The following DLG2 variants were observed in gnomAD, a reference collection of about 807,000 sequenced individuals.
The protein encoded by DLG2 is disks large homolog 2.
DLG2 carries 45 observed loss-of-function variants against 132.5 expected under a neutral mutation model. The ratio of observed to expected loss-of-function variants is 0.34; its 90% CI spans 0.27 to 0.44. DLG2 has a LOEUF of 0.44. DLG2 is among the 20% of genes least tolerant of loss of function. The pLI is 1.00. For missense variants in DLG2, 1,045 were observed against 1,196.9 expected, an observed-to-expected ratio of 0.87 and a Z score of 1.87; for synonymous variants, 424 against 419.6, an observed-to-expected ratio of 1.01 and a Z score of -0.13.
chr11:84,876,676 A>G (rs1486783590), intron 6 of DLG2, among the ~76,000 whole-genome samples: 1 of 151,846 alleles, frequency 6.6e-6, no homozygotes, highest in Non-Finnish European at 1.5e-5. Flanking sequence ...CCCTGTCTCT[A>G]TCTCCTTCAG....
In DLG2 at chr11:83,546,473, G is replaced by T. The variant is rs1373230143; in HGVS notation, c.1941-4615C>A. Among the ~76,000 whole-genome samples the T allele has an allele frequency of 3.3e-5, 5 of 152,070 alleles. No homozygotes were observed. In the East Asian group the frequency reaches 9.6e-4, roughly 29 times the overall value. On this transcript the variant is annotated intron_variant, in intron 19 of 27. Transcript: ENST00000376104. ...ATAGTAATGGCACTAACGCAAAAGG[G>T]TGCTGCGGAGATACGACAATGGGAT...
chr11:83,879,587 T>C (rs1159900424), intron 15 of DLG2, among the ~76,000 whole-genome samples: 1 of 152,196 alleles, frequency 6.6e-6, no homozygotes, highest in Non-Finnish European at 1.5e-5. Context: ...GTCTTGGATA[T>C]CCAATCAGTA....
intron 19 of DLG2, among the ~76,000 whole-genome samples, chr11:83,622,065 C>T (rs1426113638): frequency 6.6e-6 from 1 of 152,140 alleles, no homozygotes; most frequent in Admixed American, 6.5e-5. Flanking sequence ...CAGGTGCCTG[C>T]CACCATGCCA....
chr11:84,899,289 G>A (rs567980349), intron 6 of DLG2, among the ~76,000 whole-genome samples: 5 of 152,170 alleles, frequency 3.3e-5, no homozygotes, highest in South Asian at 2.1e-4. Flanking sequence ...TGAAGGCAAA[G>A]TTTGATCTGC....
intron 3 of DLG2, among the ~76,000 whole-genome samples, chr11:85,422,773 G>A (rs985253061): frequency 2.6e-5 from 4 of 152,042 alleles, no homozygotes; most frequent in East Asian, 1.9e-4. Context: ...CTACAGGCAC[G>A]AGACACCACA....
At chr11:84,593,353 A>G (rs1046632280) in intron 6 of DLG2, among the ~76,000 whole-genome samples, 1 of 152,200 alleles carries the variant, frequency 6.6e-6, no homozygotes, top group African/African-American at 2.4e-5. Context: ...ACGTATGTAT[A>G]TTGCAGCACT....
intron 9 of DLG2, among the ~76,000 whole-genome samples, chr11:84,147,967 AT>A (rs1049811013): frequency 6.6e-6 from 1 of 151,392 alleles, no homozygotes; most frequent in Non-Finnish European, 1.5e-5. Flanking sequence ...TTTTATTTTT[AT>A]TTTTTTTACC....
chr11:84,717,723 C>G (rs985808551), intron 6 of DLG2, among the ~76,000 whole-genome samples: 13 of 151,942 alleles, frequency 8.6e-5, no homozygotes, highest in African/African-American at 3.1e-4. Flanking sequence ...ACAGTGGGAG[C>G]AGTTTCTCCT....
chr11:84,078,316 C>T (rs1386650544), intron 10 of DLG2, among the ~76,000 whole-genome samples: 2 of 152,082 alleles, frequency 1.3e-5, no homozygotes, highest in Non-Finnish European at 2.9e-5. Context: ...AATCCTGTGA[C>T]CTATAATTAA....
chr11:84,748,744 T>G (rs975458314), intron 6 of DLG2, among the ~76,000 whole-genome samples: 2 of 152,210 alleles, frequency 1.3e-5, no homozygotes, highest in Admixed American at 6.5e-5. Context: ...TATATTTGGC[T>G]GCAGGGTCTT....
Position 84,290,517 on chromosome 11 carries a change from C to T in DLG2, c.520-39226G>A, listed in dbSNP as rs889104783. 5.9e-5 allele frequency among the ~76,000 whole-genome samples: 9 copies of T among 152,144 alleles called. No homozygotes were observed. In the East Asian group the frequency reaches 1.5e-3, roughly 26 times the overall value. On this transcript the variant is annotated intron_variant, in intron 7 of 27. Transcript: ENST00000376104. ...CAAAACGTGAAAACATTTTTGGAAACACAGAAATGAGTTTTTGTGTGTGAG... is the reference window on the plus strand; with the variant it reads ...CAAAACGTGAAAACATTTTTGGAAATACAGAAATGAGTTTTTGTGTGTGAG...
At chr11:85,378,928 C>A (rs946981343) in intron 3 of DLG2, among the ~76,000 whole-genome samples, 1 of 152,154 alleles carries the variant, frequency 6.6e-6, no homozygotes, top group Non-Finnish European at 1.5e-5. Flanking sequence ...CTAAGTACCA[C>A]TTCAAGTTAC....
At chr11:85,240,793 A>G (rs1211712359) in intron 4 of DLG2, among the ~76,000 whole-genome samples, 1 of 151,948 alleles carries the variant, frequency 6.6e-6, no homozygotes, top group African/African-American at 2.4e-5. Context: ...TCTTATTACT[A>G]TAATGTGTCT....
chr11:84,405,985 GAGC>G (rs2098847464), intron 7 of DLG2, among the ~76,000 whole-genome samples: 1 of 152,086 alleles, frequency 6.6e-6, no homozygotes, highest in Non-Finnish European at 1.5e-5. Context: ...CCAAGATCAT[GAGC>G]AATAGCCCCC....
At chr11:84,406,288 CT>C (rs1020102657) in intron 7 of DLG2, among the ~76,000 whole-genome samples, 3 of 151,966 alleles carry the variant, frequency 2.0e-5, no homozygotes, top group Non-Finnish European at 4.4e-5. Context: ...AATACCTGAC[CT>C]TTTTTTGTTG....
At chr11:85,395,640 G>C (rs1296691569) in intron 3 of DLG2, among the ~76,000 whole-genome samples, 11 of 152,206 alleles carry the variant, frequency 7.2e-5, no homozygotes, top group Non-Finnish European at 1.5e-4. Flanking sequence ...TGCCCACAGA[G>C]ACTTGCTCAC....
intron 4 of DLG2, among the ~76,000 whole-genome samples, chr11:85,262,759 C>T (rs563314650): frequency 6.6e-6 from 1 of 152,272 alleles, no homozygotes; most frequent in Admixed American, 6.5e-5. Flanking sequence ...TGATACTTTC[C>T]AGGCCTTCTC....
chr11:84,711,330 A>AAGAGAGAG lies in DLG2; in HGVS notation c.358-176607_358-176600dup, dbSNP rs760750088. On this transcript the variant is annotated intron_variant, in intron 6 of 27. Coordinates refer to ENST00000376104, the MANE Select transcript of DLG2 (RefSeq NM_001142699.3). The stretch of plus-strand genomic sequence containing the variant: ...GGTTCTCCAAAGAAACAGAACCAGT[A>AAGAGAGAG]AGAGAGAGAGAGAGAGAGAGAGAGA... Among the ~76,000 whole-genome samples, 205 of 48,462 alleles carry AAGAGAGAG rather than the reference A, an allele frequency of 4.2e-3. 20 individuals are homozygous for AAGAGAGAG. The highest frequency in any genetic ancestry group is 0.021 in the East Asian group (23 of 1,090). The allele number at this position is 48,462 out of a possible 152,430, so 31.8% of individuals were successfully genotyped here. A position where few individuals can be genotyped will look rare whatever the true frequency, so the allele number is the denominator to read the frequency against.
chr11:85,197,571 T>C (rs1391483517), intron 4 of DLG2, among the ~76,000 whole-genome samples: 2 of 152,240 alleles, frequency 1.3e-5, no homozygotes, highest in Non-Finnish European at 2.9e-5. Flanking sequence ...TTTCCTTAAA[T>C]TAAGCTTTTT....
Sources: gnomAD v4.1 joint callset for allele counts (sites outside exome capture counted in the v4.1 genomes callset) on GRCh38, gnomAD v4.1.1 for gene constraint, MANE v1.5 for transcripts, NCBI Gene and HGNC (gene_info 2026-07-23, HGNC 2026-07-21) for gene names.